Variants in HMOX2 observed in about 807,000 individuals in gnomAD.
HMOX2 encodes the protein heme oxygenase 2, also known as heme oxygenase (decycling) 2.
Under a neutral mutation model 33.7 loss-of-function variants are expected in HMOX2, and 30 were observed. The ratio of observed to expected loss-of-function variants is 0.89; its 90% CI spans 0.67 to 1.21. The LOEUF is 1.21. Ranked by LOEUF, HMOX2 falls within the 50% of genes most tolerant of loss-of-function variation. The pLI, the probability that HMOX2 is intolerant of heterozygous loss-of-function variation, is 0.00. For missense variants in HMOX2, 403 were observed against 399.1 expected, an observed-to-expected ratio of 1.01 and a Z score of -0.08; for synonymous variants, 155 against 155.0, an observed-to-expected ratio of 1.00 and a Z score of 0.00.
intron 1 of HMOX2, among the ~76,000 whole-genome samples, chr16:4,476,840 G>A (rs2057861360): frequency 6.6e-6 from 1 of 152,238 alleles, no homozygotes; most frequent in Non-Finnish European, 1.5e-5. Context: ...TGCTGGGCGA[G>A]GTGACCCCCG....
upstream of HMOX2, among the ~76,000 whole-genome samples, chr16:4,475,204 C>T (rs2057783904): frequency 6.6e-6 from 1 of 152,280 alleles, no homozygotes; most frequent in East Asian, 1.9e-4. Flanking sequence ...CCACCCACCT[C>T]AGCCTCCCAA....
At chr16:4,489,785 G>A (rs973136689) in intron 1 of HMOX2, among the ~76,000 whole-genome samples, 1 of 151,882 alleles carries the variant, frequency 6.6e-6, no homozygotes, top group Admixed American at 6.6e-5. Context: ...ATAATTTTTG[G>A]GGGGAGGTAG....
intron 1 of HMOX2, among the ~76,000 whole-genome samples, chr16:4,477,523 A>G (rs891940073): frequency 5.5e-5 from 7 of 126,932 alleles, no homozygotes; most frequent in Non-Finnish European, 1.2e-4. Context: ...AAAAAAAAAA[A>G]TCGCTTCTGA....
rs35695989 is a variant in HMOX2, at chr16:4,477,497, TAA to T, written c.-42+1035_-42+1036del. Among the ~76,000 whole-genome samples, 233 of 72,654 alleles carry T rather than the reference TAA, an allele frequency of 3.2e-3. 1 individual carries two copies. The highest frequency in any genetic ancestry group is 8.6e-3 in the Middle Eastern group (1 of 116). 47.7% of individuals were successfully genotyped at this position (72,654 alleles called of 152,430 possible). Reference sequence around the variant, plus strand: ...CTGGGCGACAGAGCAAGACTCCATCTAAAAAAAAAAAAAAAAAAAAAAAAAAT... The same window carrying T: ...CTGGGCGACAGAGCAAGACTCCATCTAAAAAAAAAAAAAAAAAAAAAAAAT... On this transcript the variant is annotated intron_variant, in intron 1 of 5. Transcript: ENST00000570646.
chr16:4,507,033 T>C, intron 3 of HMOX2, 21 bp downstream of exon 3: 1 of 1,494,194 alleles, frequency 6.7e-7, no homozygotes, highest in Non-Finnish European at 9.3e-7. Context: ...CGCATTGGGT[T>C]CCAGACTGTC....
At chr16:4,484,849 C>T (rs1211837237) in intron 1 of HMOX2, among the ~76,000 whole-genome samples, 1 of 151,738 alleles carries the variant, frequency 6.6e-6, no homozygotes, top group Non-Finnish European at 1.5e-5. Flanking sequence ...TTTATAATAC[C>T]CAATACAGTG....
chr16:4,498,383 GCT>G (rs1238534806), intron 1 of HMOX2, among the ~76,000 whole-genome samples: 2 of 148,036 alleles, frequency 1.4e-5, no homozygotes, highest in Non-Finnish European at 3.0e-5. Context: ...GTCTTAACTT[GCT>G]CTTTTTTTTT....
chr16:4,503,470 A>T (rs565720548), intron 1 of HMOX2, among the ~76,000 whole-genome samples: 27 of 152,282 alleles, frequency 1.8e-4, no homozygotes, highest in Non-Finnish European at 3.4e-4. Flanking sequence ...TGCAGAGTAG[A>T]GTGTCTCTGA....
intron 1 of HMOX2, among the ~76,000 whole-genome samples, chr16:4,499,939 C>T (rs1426013339): frequency 1.3e-5 from 2 of 152,202 alleles, no homozygotes; most frequent in African/African-American, 4.8e-5. Context: ...TTTCTTGTTA[C>T]ACACACAGGC....
Position 4,505,609 on chromosome 16 carries a change from A to T in HMOX2, c.85A>T (p.Arg29Ter). ...GGCCCTAGAAAAGGAGAACCAAATG[A>T]GGTGAGCGATGGGGGCTGGCTGCAC... ...SGALEKENQM[R>*]MADLSELLKE... Residue 29 changes from arginine to a stop codon, truncating the protein, a stop_gained and splice_region_variant, in exon 2 of 6, where the codon AGA becomes TGA. Coordinates refer to ENST00000570646, the MANE Select transcript of HMOX2 (RefSeq NM_002134.4). LOFTEE classifies it high-confidence loss of function. 1.3e-6 allele frequency: 2 copies of T among 1,588,880 alleles called. No individual in the cohort carries two copies. Among genetic ancestry groups the T allele is most frequent in the Non-Finnish European group, 1.7e-6 (2 of 1,165,514 alleles).
At chr16:4,495,139 G>A (rs1212870579) in intron 1 of HMOX2, among the ~76,000 whole-genome samples, 4 of 152,190 alleles carry the variant, frequency 2.6e-5, no homozygotes, top group Admixed American at 6.5e-5. Context: ...CCTATGGGAC[G>A]TTGTCATTCA....
At chr16:4,493,201 G>A (rs4785970) in intron 1 of HMOX2, among the ~76,000 whole-genome samples, 5,116 of 151,882 alleles carry the variant, frequency 0.034, 130 homozygotes, top group Non-Finnish European at 0.052. Flanking sequence ...CTCCACCCCC[G>A]TCTGCCTACC....
At chr16:4,507,379 A>G (rs559990422) in intron 3 of HMOX2, among the ~76,000 whole-genome samples, 18 of 151,440 alleles carry the variant, frequency 1.2e-4, no homozygotes, top group Non-Finnish European at 1.8e-4. Flanking sequence ...TGGGAGGCGG[A>G]GGTTACAGTG....
chr16:4,482,595 C>T (rs921165593), intron 1 of HMOX2, among the ~76,000 whole-genome samples: 1 of 152,162 alleles, frequency 6.6e-6, no homozygotes, highest in African/African-American at 2.4e-5. Flanking sequence ...TAAATTGTCA[C>T]CTATACTTCT....
intron 1 of HMOX2, among the ~76,000 whole-genome samples, chr16:4,495,023 A>G (rs1005244742): frequency 1.3e-5 from 2 of 152,214 alleles, no homozygotes; most frequent in Non-Finnish European, 2.9e-5. Context: ...GTTGGCTCTC[A>G]TTCTGAGAAG....
chr16:4,505,291 A>G (rs1471927183), intron 1 of HMOX2, among the ~76,000 whole-genome samples, 193 bp from the exon 2 acceptor site: 3 of 152,244 alleles, frequency 2.0e-5, no homozygotes, highest in African/African-American at 4.8e-5. Flanking sequence ...TACCTAATAC[A>G]TTGTTCATAT....
chr16:4,478,953 G>A (rs1213679690), intron 1 of HMOX2, among the ~76,000 whole-genome samples: 2 of 152,192 alleles, frequency 1.3e-5, no homozygotes, highest in East Asian at 3.9e-4. Context: ...TCAGGAGTTC[G>A]AGACCAGCCT....
intron 1 of HMOX2, among the ~76,000 whole-genome samples, chr16:4,486,103 A>AC (rs2058160934): frequency 1.3e-5 from 2 of 152,204 alleles, no homozygotes; most frequent in Non-Finnish European, 2.9e-5. Flanking sequence ...GGGATTTGCA[A>AC]CCAAAAAAGG....
chr16:4,487,782 C>T (rs1389154266), intron 1 of HMOX2, among the ~76,000 whole-genome samples: 1 of 140,554 alleles, frequency 7.1e-6, no homozygotes, highest in Non-Finnish European at 1.5e-5. Flanking sequence ...AGCGAGACTC[C>T]GTCTCAAAAA....
Sources: gnomAD v4.1 joint callset for allele counts (sites outside exome capture counted in the v4.1 genomes callset) on GRCh38, gnomAD v4.1.1 for gene constraint, MANE v1.5 for transcripts, NCBI Gene and HGNC (gene_info 2026-07-23, HGNC 2026-07-21) for gene names.